RPS6KC1: variants seen among roughly 807,000 people sequenced by gnomAD.
RPS6KC1 encodes the protein inactive ribosomal protein S6 kinase delta-1.
Under a neutral mutation model 103.8 loss-of-function variants are expected in RPS6KC1, and 54 were observed. The observed-to-expected ratio is 0.52, with a 90% CI of 0.42 to 0.65. The LOEUF (loss-of-function observed/expected upper bound fraction) is 0.65. RPS6KC1 is among the 30% of genes least tolerant of loss of function. The pLI is 0.00. For missense variants in RPS6KC1, 1,151 were observed against 1,253.8 expected (o/e 0.92, Z 1.24); for synonymous variants, 439 against 438.7 (o/e 1.00, Z -0.01).
chr1:213,637,570 A>T, the RPS6KC1 span, among the ~76,000 whole-genome samples: 64 of 63,498 alleles, frequency 1.0e-3, no homozygotes, highest in East Asian at 0.015. Flanking sequence ...TATAATAATT[A>T]AAAAAATTAG....
the RPS6KC1 span, among the ~76,000 whole-genome samples, chr1:213,801,398 T>G: frequency 6.6e-6 from 1 of 152,236 alleles, no homozygotes. Flanking sequence ...CAATGAAATC[T>G]TGATTAAATT....
At chr1:213,603,349 T>A in the RPS6KC1 span, among the ~76,000 whole-genome samples, 4 of 152,062 alleles carry the variant, frequency 2.6e-5, no homozygotes, top group East Asian at 7.7e-4. Flanking sequence ...GCTTCAGAGG[T>A]ACTTTGAGCA....
chr1:213,309,015 GGCACGGTGGCTCACGTCT>G, the RPS6KC1 span, among the ~76,000 whole-genome samples: 1 of 152,168 alleles, frequency 6.6e-6, no homozygotes, highest in African/African-American at 2.4e-5. Context: ...GAAGAGGCCG[GGCACGGTGGCTCACGTCT>G]GTAATCCCAG....
At chr1:213,659,288 G>A in the RPS6KC1 span, among the ~76,000 whole-genome samples, 22 of 152,134 alleles carry the variant, frequency 1.4e-4, no homozygotes, top group Non-Finnish European at 2.8e-4. Flanking sequence ...TTATAGGGAG[G>A]AAGGGCTGGA....
the RPS6KC1 span, among the ~76,000 whole-genome samples, chr1:213,396,214 C>T: frequency 6.6e-6 from 1 of 152,116 alleles, no homozygotes; most frequent in African/African-American, 2.4e-5. Context: ...GGCCTCTGTT[C>T]CCTAGTGCCG....
chr1:213,051,323 G>C lies in RPS6KC1; in HGVS notation c.-82G>C, dbSNP rs918989018. 1.8e-6 allele frequency: 2 copies of C among 1,085,304 alleles called. No homozygotes were observed. The highest frequency in any genetic ancestry group is 2.8e-6 in the Non-Finnish European group (2 of 720,638). The allele number at this position is 1,085,304 out of a possible 1,614,324, so 67.2% of individuals were successfully genotyped here. ...CGCCCCCTCGCCGCTTCGCCGCTGC[G>C]TTGGGGAACCTGGACCGCGGCGGCG... On this transcript the variant is annotated 5_prime_UTR_variant, in exon 1 of 15. Coordinates refer to ENST00000366960, the MANE Select transcript of RPS6KC1 (RefSeq NM_012424.6).
At chr1:213,455,846 A>C in the RPS6KC1 span, among the ~76,000 whole-genome samples, 33 of 152,318 alleles carry the variant, frequency 2.2e-4, 1 homozygote, top group East Asian at 5.2e-3. Flanking sequence ...AATATTGCAG[A>C]TATTTGAAAA....
the RPS6KC1 span, among the ~76,000 whole-genome samples, chr1:213,377,461 G>A: frequency 1.3e-5 from 2 of 152,202 alleles, no homozygotes; most frequent in Non-Finnish European, 2.9e-5. Context: ...TGAGGAGAAG[G>A]TGCAGAATGT....
chr1:213,580,353 A>G, the RPS6KC1 span, among the ~76,000 whole-genome samples: 1 of 152,146 alleles, frequency 6.6e-6, no homozygotes, highest in Non-Finnish European at 1.5e-5. Flanking sequence ...TAAAACTTGA[A>G]TTAATGAGGA....
chr1:213,811,318 C>T, the RPS6KC1 span, among the ~76,000 whole-genome samples: 2 of 152,188 alleles, frequency 1.3e-5, no homozygotes, highest in Non-Finnish European at 2.9e-5. Flanking sequence ...TCGCAACCTC[C>T]GTGCTTCTCA....
At chr1:213,266,197 A>G (rs933641117) in intron 14 of RPS6KC1, among the ~76,000 whole-genome samples, 1 of 152,246 alleles carries the variant, frequency 6.6e-6, no homozygotes, top group Non-Finnish European at 1.5e-5. Context: ...GGCTATTGCT[A>G]TTGACACAGG....
chr1:213,233,753 A>C (rs1231683333), intron 10 of RPS6KC1, among the ~76,000 whole-genome samples: 1 of 152,114 alleles, frequency 6.6e-6, no homozygotes, highest in African/African-American at 2.4e-5. Context: ...ACGACTTTTA[A>C]ATTTTCTACT....
the RPS6KC1 span, among the ~76,000 whole-genome samples, chr1:213,729,532 G>C: frequency 6.6e-6 from 1 of 152,108 alleles, no homozygotes; most frequent in Admixed American, 6.5e-5. Context: ...TCATGTTTTT[G>C]TTACCATTAA....
the RPS6KC1 span, among the ~76,000 whole-genome samples, chr1:213,506,633 C>T: frequency 6.6e-6 from 1 of 152,172 alleles, no homozygotes; most frequent in Non-Finnish European, 1.5e-5. Context: ...TGTTTTTACT[C>T]AACCCAGTCA....
chr1:213,356,633 G>T, the RPS6KC1 span, among the ~76,000 whole-genome samples: 1 of 152,030 alleles, frequency 6.6e-6, no homozygotes, highest in African/African-American at 2.4e-5. Flanking sequence ...TCCAGCCTTG[G>T]TGACAAGAGC....
the RPS6KC1 span, among the ~76,000 whole-genome samples, chr1:213,560,587 C>G: frequency 0.015 from 2,236 of 152,270 alleles, 24 homozygotes; most frequent in South Asian, 0.032. Context: ...TATGAGAACA[C>G]AGCCTGGCAA....
chr1:213,632,715 C>G, the RPS6KC1 span, among the ~76,000 whole-genome samples: 1 of 152,136 alleles, frequency 6.6e-6, no homozygotes, highest in African/African-American at 2.4e-5. Context: ...TCGACAGAAG[C>G]AGGCTTCAGA....
chr1:213,592,086 A>G, the RPS6KC1 span, among the ~76,000 whole-genome samples: 1 of 152,234 alleles, frequency 6.6e-6, no homozygotes, highest in Non-Finnish European at 1.5e-5. Context: ...GAAGCTGGGC[A>G]GTACTGCACA....
At chr1:213,054,069 C>G (rs1256555841) in intron 1 of RPS6KC1, among the ~76,000 whole-genome samples, 1 of 152,182 alleles carries the variant, frequency 6.6e-6, no homozygotes, top group African/African-American at 2.4e-5. Context: ...CTCCTGACCT[C>G]AGGTGATCCA....
Sources: gnomAD v4.1 joint callset for allele counts (sites outside exome capture counted in the v4.1 genomes callset) on GRCh38, gnomAD v4.1.1 for gene constraint, MANE v1.5 for transcripts, NCBI Gene and HGNC (gene_info 2026-07-23, HGNC 2026-07-21) for gene names.